Variants in PUS10 observed in about 807,000 individuals in gnomAD.
PUS10 encodes the protein tRNA pseudouridine synthase Pus10.
Under a neutral mutation model 75.0 loss-of-function variants are expected in PUS10, and 59 were observed. The ratio of observed to expected loss-of-function variants is 0.79; its 90% CI spans 0.64 to 0.98. The LOEUF (loss-of-function observed/expected upper bound fraction) is 0.98, where lower values mean the gene tolerates loss of function less well. Ranked by LOEUF, PUS10 falls within the 50% of genes least tolerant of loss-of-function variation. The pLI is 0.00. For missense variants in PUS10, 650 were observed against 614.4 expected (o/e 1.06, Z -0.61); for synonymous variants, 219 against 211.6 (o/e 1.03, Z -0.30).
At chr2:60,975,010 A>G (rs1033183137) in intron 4 of PUS10, among the ~76,000 whole-genome samples, 1 of 152,274 alleles carries the variant, frequency 6.6e-6, no homozygotes, top group Non-Finnish European at 1.5e-5. Context: ...ATGTCTCACC[A>G]GTACCTTCTG....
At chr2:61,014,294 C>A (rs539065452) in intron 1 of PUS10, among the ~76,000 whole-genome samples, 1 of 151,978 alleles carries the variant, frequency 6.6e-6, no homozygotes, top group Admixed American at 6.5e-5. Context: ...AAGAGAATCA[C>A]TTGAACCCCA....
At chr2:61,008,513 G>A (rs914956551) in intron 3 of PUS10, among the ~76,000 whole-genome samples, 2 of 152,024 alleles carry the variant, frequency 1.3e-5, no homozygotes, top group African/African-American at 4.8e-5. Flanking sequence ...AAAAAAATTA[G>A]GTGGGCATGG....
chr2:61,000,502 G>A (rs1406045964), intron 4 of PUS10, among the ~76,000 whole-genome samples: 1 of 152,206 alleles, frequency 6.6e-6, no homozygotes, highest in Non-Finnish European at 1.5e-5. Flanking sequence ...GCAGGGCTGT[G>A]TTCCCTTCTG....
At chr2:61,012,000 G>T in intron 1 of PUS10, 95 bp from the exon 2 acceptor site, 1 of 938,132 alleles carries the variant, frequency 1.1e-6, no homozygotes, top group Non-Finnish European at 1.5e-6. Flanking sequence ...GCTTTCATTT[G>T]AAAAACACTA....
chr2:61,004,395 C>T (rs377049405), intron 4 of PUS10, among the ~76,000 whole-genome samples: 1 of 151,966 alleles, frequency 6.6e-6, no homozygotes, highest in African/African-American at 2.4e-5. Context: ...GAGGCCAAGG[C>T]GGGCAGATCA....
At position 60,962,582 on chromosome 2, in the gene PUS10, T is replaced by A. The variant is rs888805506; in HGVS notation, c.788+244A>T. Reference sequence around the variant, plus strand: ...AAAGTGAAACTCTGTCTCAAAAAAATAAATAAATAAATAAGTATTTTTTAA... The same window carrying A: ...AAAGTGAAACTCTGTCTCAAAAAAAAAAATAAATAAATAAGTATTTTTTAA... On this transcript the variant is annotated intron_variant, in intron 9 of 17. Transcript: ENST00000316752. Among the ~76,000 whole-genome samples the A allele has an allele frequency of 1.7e-4, 25 of 151,422 alleles. No homozygotes were observed. In the East Asian group the frequency reaches 1.9e-3, roughly 12 times the overall value.
intron 4 of PUS10, among the ~76,000 whole-genome samples, chr2:60,983,311 A>C (rs911101772): frequency 2.0e-5 from 3 of 152,236 alleles, no homozygotes; most frequent in Non-Finnish European, 4.4e-5. Flanking sequence ...AAGGAGAAAA[A>C]TATAATTATT....
At chr2:60,995,601 G>A (rs12996153) in intron 4 of PUS10, among the ~76,000 whole-genome samples, 17,594 of 152,068 alleles carry the variant, frequency 0.12, 1,378 homozygotes, top group Non-Finnish European at 0.17. Context: ...TACGCCACAC[G>A]GTCCTAAAAA....
At chr2:60,946,873 CAT>C (rs1224402710) in intron 16 of PUS10, among the ~76,000 whole-genome samples, 5 of 152,042 alleles carry the variant, frequency 3.3e-5, no homozygotes, top group Non-Finnish European at 5.9e-5. Flanking sequence ...CACACACACA[CAT>C]ACAATAGTAC....
At chr2:60,950,660 C>G (rs1675281048) in intron 15 of PUS10, among the ~76,000 whole-genome samples, 1 of 152,172 alleles carries the variant, frequency 6.6e-6, no homozygotes, top group Non-Finnish European at 1.5e-5. Context: ...CTCAAGTGAT[C>G]CAACCACCTC....
intron 4 of PUS10, among the ~76,000 whole-genome samples, chr2:60,971,865 C>CTTTTTTTTTTTTTT (rs756222357): frequency 6.0e-5 from 6 of 99,638 alleles, no homozygotes; most frequent in East Asian, 2.6e-4. Context: ...TCTTTCTTCT[C>CTTTTTTTTTTTTTT]TTTTTTTTTT....
rs186898434 is a variant in PUS10 at position 60,997,136 on chromosome 2, A to G, written c.468+9421T>C. Among the ~76,000 whole-genome samples the G allele has an allele frequency of 1.1e-3, 169 of 152,336 alleles. 1 individual carries two copies. The highest frequency in any genetic ancestry group is 4.0e-3 in the African/African-American group (165 of 41,574). On this transcript the variant is annotated intron_variant, in intron 4 of 17. Transcript: ENST00000316752. ...TTCTTGGAGTTACCTTTGATAAGAT[A>G]GAGTGGATTGCTGCATGAACACACT...
intron 15 of PUS10, among the ~76,000 whole-genome samples, chr2:60,950,664 C>A (rs1339553685): frequency 6.6e-6 from 1 of 152,208 alleles, no homozygotes; most frequent in Non-Finnish European, 1.5e-5. Context: ...AGTGATCCAA[C>A]CACCTCAGCC....
chr2:61,010,771 C>T, intron 2 of PUS10: 1 of 1,549,774 alleles, frequency 6.5e-7, no homozygotes, highest in Non-Finnish European at 8.7e-7. Context: ...TCCATGTCTT[C>T]TAGTTCCAAA....
At position 60,941,135 on chromosome 2, in the gene PUS10, T is replaced by G. The variant is rs1310457083; in HGVS notation, c.*1260A>C. On this transcript the variant is annotated 3_prime_UTR_variant, in exon 18 of 18. Transcript: ENST00000316752. ...GAAATTATACTCAAATCTGAAATTGTAATGAGGCTCCTTTCTGAAACTTAA... is the reference window on the plus strand; with the variant it reads ...GAAATTATACTCAAATCTGAAATTGGAATGAGGCTCCTTTCTGAAACTTAA... 2 of 152,326 alleles carry G rather than the reference T, an allele frequency of 1.3e-5. No homozygotes were observed. The highest frequency in any genetic ancestry group is 2.9e-5 in the Non-Finnish European group (2 of 67,992). The allele number at this position is 152,326 out of a possible 1,614,324, so 9.4% of individuals were successfully genotyped here. A position where few individuals can be genotyped will look rare whatever the true frequency, so the allele number is the denominator to read the frequency against.
chr2:60,950,006 A>G (rs767256081), intron 15 of PUS10, among the ~76,000 whole-genome samples: 26 of 152,230 alleles, frequency 1.7e-4, no homozygotes, highest in Non-Finnish European at 3.1e-4. Flanking sequence ...GGCATTCTCA[A>G]TGACTTGTAC....
chr2:60,984,614 G>C (rs187142913), intron 4 of PUS10, among the ~76,000 whole-genome samples: 91 of 152,130 alleles, frequency 6.0e-4, no homozygotes, highest in Non-Finnish European at 1.1e-3. Context: ...TATGTTCATT[G>C]CAAATTCCAT....
intron 4 of PUS10, among the ~76,000 whole-genome samples, chr2:60,975,170 G>A (rs1676954926): frequency 6.6e-6 from 1 of 152,026 alleles, no homozygotes; most frequent in South Asian, 2.1e-4. Flanking sequence ...TGTTTGAGAC[G>A]GAGCCTCACT....
At chr2:61,017,443 A>C (rs946359731) in intron 1 of PUS10, 1 of 260,048 alleles carries the variant, frequency 3.8e-6, no homozygotes, top group Admixed American at 5.2e-5. Context: ...GTCCACTCCC[A>C]GAAAAGCCTC....
Sources: allele counts gnomAD v4.1 joint callset (sites outside exome capture counted in the v4.1 genomes callset), GRCh38; gene constraint gnomAD v4.1.1; transcripts MANE v1.5; gene names NCBI Gene and HGNC (gene_info 2026-07-23, HGNC 2026-07-21).